The following TVP23B variants were observed in gnomAD, a reference collection of about 807,000 sequenced individuals.
The protein encoded by TVP23B is Golgi apparatus membrane protein TVP23 homolog B.
TVP23B carries 10 observed loss-of-function variants against 30.6 expected under a neutral mutation model. The ratio of observed to expected loss-of-function variants is 0.33; its 90% CI spans 0.20 to 0.55. The LOEUF is 0.55. Ranked by LOEUF, TVP23B falls within the 20% of genes least tolerant of loss-of-function variation. TVP23B has a pLI of 0.91. For missense variants in TVP23B, 153 were observed against 243.2 expected (o/e 0.63, Z 2.47); for synonymous variants, 67 against 83.1 (o/e 0.81, Z 1.06).
chr17:18,789,900 A>G (rs1041668276), intron 2 of TVP23B, among the ~76,000 whole-genome samples: 3 of 152,178 alleles, frequency 2.0e-5, no homozygotes, highest in African/African-American at 7.2e-5. Flanking sequence ...AAAAGACCAC[A>G]TATTGTATGA....
intron 6 of TVP23B, chr17:18,804,580 T>C (rs1022479602): frequency 3.3e-6 from 4 of 1,205,180 alleles, no homozygotes; most frequent in Admixed American, 9.9e-5. Flanking sequence ...GCAGAATGTA[T>C]GTTGTATGTT....
intron 4 of TVP23B, 75 bp from the exon 5 acceptor site, chr17:18,798,737 G>A (rs1453899216): frequency 4.5e-6 from 7 of 1,555,564 alleles, no homozygotes; most frequent in Non-Finnish European, 6.1e-6. Flanking sequence ...TGGGTAATAT[G>A]TTTTTTATTA....
At chr17:18,799,541 C>T (rs1296927195) in intron 5 of TVP23B, among the ~76,000 whole-genome samples, 3 of 152,298 alleles carry the variant, frequency 2.0e-5, no homozygotes, top group East Asian at 3.9e-4. Context: ...GATGTCATAG[C>T]ATCGCTTCTG....
At chr17:18,801,843 T>C (rs1326706999) in intron 5 of TVP23B, among the ~76,000 whole-genome samples, 3 of 152,012 alleles carry the variant, frequency 2.0e-5, no homozygotes, top group Non-Finnish European at 4.4e-5. Flanking sequence ...CATGTAGGAG[T>C]TATTTATATC....
intron 5 of TVP23B, among the ~76,000 whole-genome samples, chr17:18,800,470 A>G (rs1437905094): frequency 4.6e-5 from 7 of 152,152 alleles, no homozygotes; most frequent in African/African-American, 1.7e-4. Flanking sequence ...TAAACATATG[A>G]GCCTATTGAC....
chr17:18,803,524 A>G, intron 5 of TVP23B, among the ~76,000 whole-genome samples: 1 of 152,202 alleles, frequency 6.6e-6, no homozygotes, highest in Non-Finnish European at 1.5e-5. Context: ...CATTGATCCT[A>G]GTGGGATGAC....
chr17:18,805,193 ATTC>A (rs368038586), intron 6 of TVP23B, among the ~76,000 whole-genome samples: 6 of 144,868 alleles, frequency 4.1e-5, no homozygotes, highest in African/African-American at 1.3e-4. Context: ...GGTTCACGCC[ATTC>A]TTCTGCATCA....
rs1219751062 is a variant in TVP23B, at chr17:18,806,571, A to T, written c.*1004A>T. 1 of 205,646 alleles carries T rather than the reference A, an allele frequency of 4.9e-6. No individual in the cohort carries two copies. 12.7% of individuals were successfully genotyped at this position (205,646 alleles called of 1,614,324 possible). A position where few individuals can be genotyped will look rare whatever the true frequency, so the allele number is the denominator to read the frequency against. On this transcript the variant is annotated 3_prime_UTR_variant, in exon 7 of 7. Transcript: ENST00000307767. ...TATAAACTTTGTTGAAGTCTTAATC[A>T]GCAGATTATGTTGTGAATATATTTG...
Position 18,781,192 on chromosome 17 carries a change from G to A in TVP23B, c.-102G>A, listed in dbSNP as rs1379636040. The A allele has an allele frequency of 2.6e-6, 4 of 1,522,012 alleles. No individual in the cohort carries two copies. The East Asian group carries it at 9.9e-5, about 38-fold the overall frequency. The allele number at this position is 1,522,012 out of a possible 1,614,324, so 94.3% of individuals were successfully genotyped here. On this transcript the variant is annotated 5_prime_UTR_variant, in exon 1 of 7. Transcript: ENST00000307767. ...AGGCCGGACTGAGGCTCTTACAGTG[G>A]TCCCTGCTGGCCCTTGGTGACGGGT...
At chr17:18,803,962 A>G (rs2589692) in intron 5 of TVP23B, among the ~76,000 whole-genome samples, 176 bp from the exon 6 acceptor site, 32,261 of 150,682 alleles carry the variant, frequency 0.21, 3,938 homozygotes, top group East Asian at 0.55. Flanking sequence ...CAGAGCGTCT[A>G]TCAGATGGGT....
chr17:18,789,155 A>C, intron 1 of TVP23B, 198 bp from the exon 2 acceptor site: 1 of 808,720 alleles, frequency 1.2e-6, no homozygotes, highest in South Asian at 1.8e-5. Context: ...GACTTCGATT[A>C]TTCTCTGGGT....
At chr17:18,788,108 G>A (rs987109333) in intron 1 of TVP23B, among the ~76,000 whole-genome samples, 7 of 151,366 alleles carry the variant, frequency 4.6e-5, no homozygotes, top group Non-Finnish European at 8.8e-5. Context: ...AGGCCGAGGC[G>A]GCTGGATCAC....
intron 6 of TVP23B, among the ~76,000 whole-genome samples, chr17:18,804,871 A>C (rs1424433863): frequency 1.3e-5 from 2 of 151,968 alleles, no homozygotes; most frequent in East Asian, 3.9e-4. Context: ...TACAGGCGTG[A>C]GCCACCGTGC....
At chr17:18,798,405 G>GT (rs59117639) in intron 4 of TVP23B, among the ~76,000 whole-genome samples, 17,985 of 144,286 alleles carry the variant, frequency 0.12, 1,656 homozygotes, top group East Asian at 0.49. Context: ...CCTTGATTCC[G>GT]TTTTTTTTTT....
chr17:18,798,303 T>C (rs2036105602), intron 4 of TVP23B, among the ~76,000 whole-genome samples: 1 of 152,210 alleles, frequency 6.6e-6, no homozygotes, highest in South Asian at 2.1e-4. Flanking sequence ...GAGCCTGTAT[T>C]CTTTTATATT....
chr17:18,793,464 A>C (rs1440134191), intron 3 of TVP23B, among the ~76,000 whole-genome samples: 2 of 150,046 alleles, frequency 1.3e-5, no homozygotes, highest in East Asian at 3.9e-4. Flanking sequence ...AAAAAAAAAA[A>C]ATGAGCCGGG....
At chr17:18,792,940 C>A (rs558066697) in intron 3 of TVP23B, among the ~76,000 whole-genome samples, 2 of 152,268 alleles carry the variant, frequency 1.3e-5, no homozygotes, top group African/African-American at 4.8e-5. Flanking sequence ...TTCATCTAAA[C>A]CCCTAGGTGT....
intron 1 of TVP23B, 61 bp downstream of exon 1, chr17:18,781,366 G>C: frequency 6.4e-7 from 1 of 1,551,534 alleles, no homozygotes; most frequent in Non-Finnish European, 8.7e-7. Flanking sequence ...TGCAGGTTCC[G>C]TGGGACTGGA....
At chr17:18,791,715 A>G (rs1052846507) in intron 3 of TVP23B, among the ~76,000 whole-genome samples, 4 of 152,178 alleles carry the variant, frequency 2.6e-5, no homozygotes, top group African/African-American at 9.6e-5. Context: ...AGGTTGAGAC[A>G]CCCTGCTGTA....
Sources: gnomAD v4.1 joint callset for allele counts (sites outside exome capture counted in the v4.1 genomes callset) on GRCh38, gnomAD v4.1.1 for gene constraint, MANE v1.5 for transcripts, NCBI Gene and HGNC (gene_info 2026-07-23, HGNC 2026-07-21) for gene names.